The following MTM1 variants were observed in gnomAD, a reference collection of about 807,000 sequenced individuals.
MTM1 encodes the protein myotubularin.
MTM1 carries 9 observed loss-of-function variants against 52.1 expected under a neutral mutation model. The ratio of observed to expected loss-of-function variants is 0.17; its 90% CI spans 0.10 to 0.30. The LOEUF is 0.30. Among genes scored for constraint, MTM1 ranks in the 10% least tolerant of loss-of-function variants. The pLI, the probability that MTM1 is intolerant of heterozygous loss-of-function variation, is 1.00. For missense variants in MTM1, 277 were observed against 470.7 expected, an observed-to-expected ratio of 0.59 and a Z score of 3.81; for synonymous variants, 136 against 163.8, an observed-to-expected ratio of 0.83 and a Z score of 1.29.
chrX:150,579,159 A>G (rs1232079442), intron 1 of MTM1, among the ~76,000 whole-genome samples: 1 of 110,010 alleles, frequency 9.1e-6, no homozygotes, highest in Non-Finnish European at 1.9e-5. Context: ...GGTTCAAGCG[A>G]TTCTCCCGCC....
At chrX:150,641,215 A>C (rs2039842241) in intron 7 of MTM1, 54 bp from the exon 8 acceptor site, 1 of 1,201,627 alleles carries the variant, frequency 8.3e-7, no homozygotes, top group Non-Finnish European at 1.1e-6. Context: ...CCCAAGGCCA[A>C]ATCCAGAGAT....
At chrX:150,663,199 CCT>C (rs1215134070) in intron 13 of MTM1, among the ~76,000 whole-genome samples, 4 of 112,186 alleles carry the variant, frequency 3.6e-5, no homozygotes, top group African/African-American at 1.3e-4. Context: ...ATCCTGCGCC[CCT>C]GTCTTCAGGC....
chrX:150,644,822 C>T (rs1416493118), intron 8 of MTM1, among the ~76,000 whole-genome samples: 2 of 110,692 alleles, frequency 1.8e-5, no homozygotes, highest in African/African-American at 6.6e-5. Flanking sequence ...GAGTGAAATG[C>T]CTGAGGTTAG....
At chrX:150,573,119 C>T (rs1433415525) in intron 1 of MTM1, among the ~76,000 whole-genome samples, 4 of 112,765 alleles carry the variant, frequency 3.5e-5, no homozygotes, top group Non-Finnish European at 7.5e-5. Context: ...TTAACTTGAA[C>T]TAGACAAAGG....
At chrX:150,654,886 A>G (rs1210702558) in intron 10 of MTM1, among the ~76,000 whole-genome samples, 2 of 112,285 alleles carry the variant, frequency 1.8e-5, no homozygotes, top group African/African-American at 6.5e-5. Context: ...GCTCCGTGGA[A>G]GAAATCTTTT....
At chrX:150,645,421 A>G (rs1278693997) in intron 8 of MTM1, among the ~76,000 whole-genome samples, 1 of 112,633 alleles carries the variant, frequency 8.9e-6, no homozygotes, top group Non-Finnish European at 1.9e-5. Context: ...TGATATAACT[A>G]TTTTTAGGTA....
chrX:150,660,595 A>G, intron 13 of MTM1, 111 bp downstream of exon 13: 1 of 528,220 alleles, frequency 1.9e-6, no homozygotes, highest in Non-Finnish European at 3.3e-6. Context: ...TTGACCTCAA[A>G]GAGTAGGAAT....
chrX:150,598,320 C>A (rs1481054376), intron 3 of MTM1, among the ~76,000 whole-genome samples: 2 of 111,311 alleles, frequency 1.8e-5, no homozygotes, highest in African/African-American at 6.6e-5. Flanking sequence ...CTTCTATTGT[C>A]ACCTTGCCCC....
At chrX:150,642,707 G>A (rs2039869169) in intron 8 of MTM1, among the ~76,000 whole-genome samples, 1 of 111,554 alleles carries the variant, frequency 9.0e-6, no homozygotes, top group African/African-American at 3.3e-5. Flanking sequence ...CTGGGCTAGG[G>A]TAGCCTGGCT....
chrX:150,628,130 T>A (rs1557413462), intron 6 of MTM1, among the ~76,000 whole-genome samples: 1 of 111,488 alleles, frequency 9.0e-6, no homozygotes, highest in Non-Finnish European at 1.9e-5. Flanking sequence ...CCCTATCTCC[T>A]GTGCCCCAAG....
chrX:150,644,090 G>A (rs1389952077), intron 8 of MTM1, among the ~76,000 whole-genome samples: 1 of 108,740 alleles, frequency 9.2e-6, no homozygotes, highest in African/African-American at 3.3e-5. Context: ...ACTTGATGAG[G>A]GTCTTTCTCA....
chrX:150,591,399 A>G (rs1206066265), intron 1 of MTM1, among the ~76,000 whole-genome samples: 1 of 112,540 alleles, frequency 8.9e-6, no homozygotes, highest in Non-Finnish European at 1.9e-5. Context: ...GACAGACACA[A>G]GCCTTGGCCT....
rs1270158812 is a variant in MTM1, at chrX:150,569,134, C to A, written c.-11+472C>A. ...CCCGGTGGGCCCTGCGGAGCGGCCG[C>A]AGCCCGGCACTGGCCGCGAAGCCTC... On this transcript the variant is annotated intron_variant, in intron 1 of 14. Transcript: ENST00000370396. Among the ~76,000 whole-genome samples the A allele has an allele frequency of 5.3e-5, 6 of 113,651 alleles. No homozygotes were observed. The East Asian group carries it at 1.7e-3, about 32-fold the overall frequency.
intron 1 of MTM1, among the ~76,000 whole-genome samples, chrX:150,585,062 GGAGA>G (rs368036277): frequency 1.2e-4 from 12 of 100,936 alleles, no homozygotes; most frequent in Non-Finnish European, 1.4e-4. Context: ...ACAGAGAAGT[GGAGA>G]GAGAGAGAGA....
intron 2 of MTM1, among the ~76,000 whole-genome samples, chrX:150,594,235 G>A (rs1192854435): frequency 3.7e-5 from 4 of 108,272 alleles, no homozygotes; most frequent in Admixed American, 9.9e-5. Flanking sequence ...TCAGCCTCCC[G>A]AGTAGCTGGG....
chrX:150,642,660 T>G (rs1387020767), intron 8 of MTM1, among the ~76,000 whole-genome samples: 1 of 111,909 alleles, frequency 8.9e-6, no homozygotes, highest in Non-Finnish European at 1.9e-5. Flanking sequence ...TGGCTGGCTG[T>G]CTGTCTTGCT....
chrX:150,595,878 A>C (rs2038967211), intron 2 of MTM1, among the ~76,000 whole-genome samples: 1 of 112,819 alleles, frequency 8.9e-6, no homozygotes, highest in Non-Finnish European at 1.9e-5. Context: ...AGTGATGTGA[A>C]GAATTTGTAC....
chrX:150,648,538 T>C (rs1226031248), intron 9 of MTM1, among the ~76,000 whole-genome samples: 13 of 112,705 alleles, frequency 1.2e-4, no homozygotes, highest in African/African-American at 4.2e-4. Context: ...AGTATAATAT[T>C]GTTTTCTTTG....
chrX:150,646,012 T>A (rs2039925461), intron 9 of MTM1, 141 bp downstream of exon 9: 3 of 559,067 alleles, frequency 5.4e-6, no homozygotes, highest in Non-Finnish European at 8.8e-6. Context: ...CAGAAAGTAG[T>A]TTTAATCACA....
Sources: allele counts gnomAD v4.1 joint callset (sites outside exome capture counted in the v4.1 genomes callset), GRCh38; gene constraint gnomAD v4.1.1; transcripts MANE v1.5; gene names NCBI Gene and HGNC (gene_info 2026-07-23, HGNC 2026-07-21).